The following AGBL1 variants were observed in gnomAD, a reference collection of about 807,000 sequenced individuals.
AGBL1 encodes the protein AGBL carboxypeptidase 1.
Under a neutral mutation model 118.9 loss-of-function variants are expected in AGBL1, and 130 were observed. The observed-to-expected ratio is 1.09, with a 90% CI of 0.95 to 1.26. The LOEUF is 1.26. AGBL1 is among the 50% of genes most tolerant of loss of function. AGBL1 has a pLI of 0.00. For missense variants in AGBL1, 1,584 were observed against 1,298.1 expected, an observed-to-expected ratio of 1.22 and a Z score of -3.38; for synonymous variants, 555 against 478.9, an observed-to-expected ratio of 1.16 and a Z score of -2.08.
chr15:86,112,461 G>A (rs997896695), intron 1 of AGBL1, among the ~76,000 whole-genome samples: 1 of 152,154 alleles, frequency 6.6e-6, no homozygotes, highest in Non-Finnish European at 1.5e-5. Context: ...TATTATCAAT[G>A]ATTGAACATT....
chr15:86,582,755 G>A (rs533469400), intron 21 of AGBL1, among the ~76,000 whole-genome samples: 122 of 151,224 alleles, frequency 8.1e-4, no homozygotes, highest in Non-Finnish European at 1.4e-3. Context: ...GCAAACTATC[G>A]CAAGGACAAA....
At chr15:87,008,011 T>C (rs1034219718) in intron 24 of AGBL1, among the ~76,000 whole-genome samples, 5 of 152,210 alleles carry the variant, frequency 3.3e-5, no homozygotes, top group African/African-American at 1.2e-4. Context: ...AGATAGATTT[T>C]TCTGGTGAGT....
rs561095272 is a variant in AGBL1 at position 86,125,781 on chromosome 15, A to G, written c.52-16223A>G. ...CAAAAACAACTTCTATCATCATGACATTTACTTGATAATTCAACATAAAGT... is the reference window on the plus strand; with the variant it reads ...CAAAAACAACTTCTATCATCATGACGTTTACTTGATAATTCAACATAAAGT... On this transcript the variant is annotated intron_variant, in intron 1 of 22. Coordinates refer to ENST00000614907, the MANE Select transcript of AGBL1 (RefSeq NM_001386094.1). 3.3e-4 allele frequency among the ~76,000 whole-genome samples: 51 copies of G among 152,358 alleles called. 1 individual carries two copies. Among genetic ancestry groups the G allele is most frequent in the Middle Eastern group, 3.4e-3 (1 of 294 alleles).
chr15:86,724,698 T>C (rs2086792754), intron 22 of AGBL1, among the ~76,000 whole-genome samples: 1 of 152,082 alleles, frequency 6.6e-6, no homozygotes, highest in African/African-American at 2.4e-5. Flanking sequence ...TGGGGCCTGG[T>C]GGGAGGTGTT....
chr15:86,702,628 C>A (rs912654699), intron 22 of AGBL1, among the ~76,000 whole-genome samples: 4 of 152,142 alleles, frequency 2.6e-5, no homozygotes, highest in African/African-American at 9.7e-5. Flanking sequence ...CTTTCCAGTC[C>A]TCATTGCACT....
Position 86,519,906 on chromosome 15 carries a change from G to C in AGBL1, c.2556-2904G>C, listed in dbSNP as rs148429316. ...TAGATGTGGTCCTCCTTTGTGTGCTGTTTAACAGCCCAAATTTCAATCAGC... is the reference window on the plus strand; with the variant it reads ...TAGATGTGGTCCTCCTTTGTGTGCTCTTTAACAGCCCAAATTTCAATCAGC... On this transcript the variant is annotated intron_variant, in intron 18 of 22. Coordinates refer to ENST00000614907, the MANE Select transcript of AGBL1 (RefSeq NM_001386094.1). Among the ~76,000 whole-genome samples the C allele has an allele frequency of 5.4e-4, 82 of 152,268 alleles. 1 individual carries two copies. Among genetic ancestry groups the C allele is most frequent in the African/African-American group, 1.9e-3 (77 of 41,554 alleles).
At chr15:86,742,701 G>A (rs890403911) in intron 22 of AGBL1, among the ~76,000 whole-genome samples, 11 of 152,176 alleles carry the variant, frequency 7.2e-5, no homozygotes, top group Non-Finnish European at 7.4e-5. Flanking sequence ...ATTGCCATTA[G>A]CAGTGTCAGA....
At chr15:86,711,564 C>T (rs868281981) in intron 22 of AGBL1, among the ~76,000 whole-genome samples, 77 of 152,252 alleles carry the variant, frequency 5.1e-4, no homozygotes, top group Admixed American at 1.0e-3. Context: ...CTTACAGTTG[C>T]TAATCTAGTA....
chr15:86,431,840 C>G (rs2081939226), intron 18 of AGBL1, among the ~76,000 whole-genome samples: 1 of 152,174 alleles, frequency 6.6e-6, no homozygotes, highest in Non-Finnish European at 1.5e-5. Context: ...GGTTGAGACT[C>G]CCGGTTGCTG....
chr15:86,189,679 C>T (rs2141823842), intron 5 of AGBL1, among the ~76,000 whole-genome samples: 1 of 152,284 alleles, frequency 6.6e-6, no homozygotes, highest in South Asian at 2.1e-4. Flanking sequence ...GGCTCCCCTT[C>T]ACCTCTGCCA....
chr15:86,813,293 T>A (rs1567185999), intron 22 of AGBL1, among the ~76,000 whole-genome samples: 1 of 152,078 alleles, frequency 6.6e-6, no homozygotes, highest in Non-Finnish European at 1.5e-5. Context: ...CGCTGTGCTA[T>A]TCCCAGTACA....
chr15:86,661,780 A>G (rs1023277382), intron 21 of AGBL1, among the ~76,000 whole-genome samples: 15 of 152,226 alleles, frequency 9.9e-5, no homozygotes, highest in African/African-American at 3.6e-4. Flanking sequence ...GTGTCATCCA[A>G]GTACAGGGCT....
intron 22 of AGBL1, among the ~76,000 whole-genome samples, chr15:86,689,204 T>C (rs2142595403): frequency 6.6e-6 from 1 of 152,268 alleles, no homozygotes; most frequent in Non-Finnish European, 1.5e-5. Flanking sequence ...TTTCTACAGA[T>C]GGTTGCATAG....
At chr15:86,239,446 CT>C (rs1228384389) in intron 6 of AGBL1, among the ~76,000 whole-genome samples, 1 of 152,124 alleles carries the variant, frequency 6.6e-6, no homozygotes, top group Non-Finnish European at 1.5e-5. Context: ...ATGCTTTTGG[CT>C]GTTCTCCTTT....
chr15:86,152,964 C>A (rs561164132), intron 3 of AGBL1, among the ~76,000 whole-genome samples: 4 of 152,288 alleles, frequency 2.6e-5, no homozygotes, highest in Admixed American at 6.5e-5. Context: ...CAATGAGATA[C>A]CATCTCATGC....
intron 22 of AGBL1, among the ~76,000 whole-genome samples, chr15:86,902,811 G>C (rs575499042): frequency 1.3e-5 from 2 of 152,076 alleles, no homozygotes; most frequent in Admixed American, 6.5e-5. Context: ...TTCCCCTAAA[G>C]TTTCTCCCAC....
intron 23 of AGBL1, among the ~76,000 whole-genome samples, chr15:86,927,279 C>T (rs2080552503): frequency 6.6e-6 from 1 of 152,102 alleles, no homozygotes; most frequent in East Asian, 1.9e-4. Flanking sequence ...AGTAGCTCAA[C>T]TTACAAATAA....
chr15:86,547,198 A>G (rs1229123436), intron 20 of AGBL1, among the ~76,000 whole-genome samples: 1 of 152,104 alleles, frequency 6.6e-6, no homozygotes, highest in Admixed American at 6.6e-5. Flanking sequence ...AAGCTTAATA[A>G]CTTAATCTTA....
intron 22 of AGBL1, among the ~76,000 whole-genome samples, chr15:86,898,047 C>T (rs1488625617): frequency 6.6e-6 from 1 of 152,020 alleles, no homozygotes; most frequent in Admixed American, 6.6e-5. Context: ...GCTGGGACTA[C>T]AGGCATGAGC....
Sources: gnomAD v4.1 joint callset for allele counts (sites outside exome capture counted in the v4.1 genomes callset) on GRCh38, gnomAD v4.1.1 for gene constraint, MANE v1.5 for transcripts, NCBI Gene and HGNC (gene_info 2026-07-23, HGNC 2026-07-21) for gene names.